The following MAP3K13 variants were observed in gnomAD, a reference collection of about 807,000 sequenced individuals.
MAP3K13 encodes the protein leucine zipper-bearing kinase.
MAP3K13 carries 52 observed loss-of-function variants against 104.0 expected under a neutral mutation model. That is an observed-to-expected ratio of 0.50 (90% CI 0.40 to 0.63). The LOEUF is 0.63. MAP3K13 is among the 20% of genes least tolerant of loss of function. The pLI is 0.00. For synonymous variants in MAP3K13, 394 were observed against 442.2 expected, an observed-to-expected ratio of 0.89 and a Z score of 1.37; for missense variants, 914 against 1,218.5, an observed-to-expected ratio of 0.75 and a Z score of 3.72.
At position 185,451,344 on chromosome 3, in the gene MAP3K13, T is replaced by C. The variant is rs1402640417; in HGVS notation, c.1227T>C (p.Ile409=). ...GGCAGACACTCATGCATTTAGACATTGCCTCTGCAGATGTACTTGCCACCC... is the reference window on the plus strand; with the variant it reads ...GGCAGACACTCATGCATTTAGACATCGCCTCTGCAGATGTACTTGCCACCC... ...SFRQTLMHLD[I]ASADVLATPQ... is the part of the protein sequence containing the mutation. The change falls in exon 7 of 14, where the codon ATT becomes ATC. Residue 409 remains isoleucine (I), a synonymous_variant. Transcript: ENST00000265026. 1 of 1,613,856 alleles carries C rather than the reference T, an allele frequency of 6.2e-7. No homozygotes were observed. The highest frequency in any genetic ancestry group is 2.2e-5 in the East Asian group (1 of 44,874).
At chr3:185,292,059 C>CTT (rs1720761421) in intron 2 of MAP3K13, 1 of 929,066 alleles carries the variant, frequency 1.1e-6, no homozygotes, top group African/African-American at 1.8e-5. Context: ...AATCCCAGCA[C>CTT]TTTGGGAGGC....
intron 2 of MAP3K13, among the ~76,000 whole-genome samples, chr3:185,433,767 T>A (rs114463603): frequency 2.4e-3 from 365 of 152,352 alleles, no homozygotes; most frequent in African/African-American, 8.4e-3. Context: ...TGGTAGAGGA[T>A]AATTTTATTT....
intron 2 of MAP3K13, among the ~76,000 whole-genome samples, chr3:185,342,645 C>T (rs1390726851): frequency 6.6e-6 from 1 of 151,992 alleles, no homozygotes; most frequent in Admixed American, 6.6e-5. Context: ...TAGAGTATGC[C>T]ATTATAATCT....
intron 8 of MAP3K13, 99 bp from the exon 9 acceptor site, chr3:185,465,648 A>G: frequency 1.2e-6 from 1 of 815,508 alleles, no homozygotes; most frequent in Non-Finnish European, 2.1e-6. Context: ...GCCTTGGGCA[A>G]ATGCTTTTGT....
chr3:185,353,579 A>G (rs372376738), intron 2 of MAP3K13, among the ~76,000 whole-genome samples: 1 of 152,224 alleles, frequency 6.6e-6, no homozygotes, highest in African/African-American at 2.4e-5. Flanking sequence ...CTTTAGGCTA[A>G]ACTTGACTTA....
At chr3:185,289,930 T>A (rs1165332056) in intron 2 of MAP3K13, among the ~76,000 whole-genome samples, 2 of 152,178 alleles carry the variant, frequency 1.3e-5, no homozygotes. Flanking sequence ...GAGCGCAAAC[T>A]CTAGAGTAAT....
chr3:185,297,248 T>C (rs1013783901), intron 2 of MAP3K13, among the ~76,000 whole-genome samples: 2 of 152,238 alleles, frequency 1.3e-5, no homozygotes, highest in African/African-American at 2.4e-5. Flanking sequence ...TCACAGCTAC[T>C]ACCTCTGCTT....
chr3:185,365,526 TGTGCTTCAGCTGAATTAA>T (rs1723829078), intron 1 of MAP3K13, among the ~76,000 whole-genome samples: 1 of 152,174 alleles, frequency 6.6e-6, no homozygotes, highest in South Asian at 2.1e-4. Flanking sequence ...CCTCTTTCTG[TGTGCTTCAGCTGAATTAA>T]GTGCTTGGAG....
At chr3:185,305,644 C>T (rs1161403731) in intron 2 of MAP3K13, among the ~76,000 whole-genome samples, 3 of 152,090 alleles carry the variant, frequency 2.0e-5, no homozygotes, top group Admixed American at 6.6e-5. Context: ...TATTTCAACC[C>T]GAGGGACTTC....
In MAP3K13 at chr3:185,418,288, GTCT is replaced by G. The variant is rs1227796272; in HGVS notation, c.-85-10204_-85-10202del. 13 of 1,581,436 alleles carry G rather than the reference GTCT, an allele frequency of 8.2e-6. No individual in the cohort carries two copies. Among genetic ancestry groups the G allele is most frequent in the African/African-American group, 4.0e-5 (3 of 74,164 alleles). On this transcript the variant is annotated intron_variant, in intron 1 of 13. Coordinates refer to ENST00000265026, the MANE Select transcript of MAP3K13 (RefSeq NM_004721.5). This position sits in a 1 kb window ranked among gnomAD's most constrained non-coding sequence, Gnocchi z 4.5. Reference sequence around the variant, plus strand: ...CTTAAGGAGCAAAACAGCTTCCTTGGTCTTCTTGTAGCCTTCAACTTTATCTTC... The same window carrying G: ...CTTAAGGAGCAAAACAGCTTCCTTGGTCTTGTAGCCTTCAACTTTATCTTC...
intron 1 of MAP3K13, among the ~76,000 whole-genome samples, chr3:185,411,983 C>T (rs1713479029): frequency 6.6e-6 from 1 of 151,968 alleles, no homozygotes; most frequent in Non-Finnish European, 1.5e-5. Context: ...GGGGTTTCAC[C>T]ACGTTGGCCA....
intron 1 of MAP3K13, among the ~76,000 whole-genome samples, chr3:185,420,931 A>G (rs1714082151): frequency 1.3e-5 from 2 of 152,154 alleles, no homozygotes; most frequent in South Asian, 4.1e-4. Flanking sequence ...TGCCCTGCCA[A>G]ATGCACAGCT....
chr3:185,319,224 T>C (rs1489175245), intron 2 of MAP3K13, among the ~76,000 whole-genome samples: 1 of 152,024 alleles, frequency 6.6e-6, no homozygotes, highest in Non-Finnish European at 1.5e-5. Flanking sequence ...ATTGTAGGAG[T>C]ATTACAGAAT....
chr3:185,354,299 G>C (rs1256888679), intron 2 of MAP3K13, among the ~76,000 whole-genome samples: 1 of 151,092 alleles, frequency 6.6e-6, no homozygotes, highest in Non-Finnish European at 1.5e-5. Flanking sequence ...GGGCAGCAGA[G>C]AGCATCACCC....
chr3:185,405,620 T>A lies in MAP3K13; in HGVS notation c.-85-22877T>A, dbSNP rs2108781023. 2.6e-5 allele frequency among the ~76,000 whole-genome samples: 4 copies of A among 152,366 alleles called. No individual in the cohort carries two copies. The Middle Eastern group carries it at 0.01, about 389-fold the overall frequency. ...AGCCTCATCTCTCTCCATCCTTCACTCGTTCTTCACTGGTGTAACTCTGAT... is the reference window on the plus strand; with the variant it reads ...AGCCTCATCTCTCTCCATCCTTCACACGTTCTTCACTGGTGTAACTCTGAT... On this transcript the variant is annotated intron_variant, in intron 1 of 13. Coordinates refer to ENST00000265026, the MANE Select transcript of MAP3K13 (RefSeq NM_004721.5).
intron 1 of MAP3K13, among the ~76,000 whole-genome samples, chr3:185,382,476 G>A (rs1724773481): frequency 6.6e-6 from 1 of 152,162 alleles, no homozygotes; most frequent in African/African-American, 2.4e-5. Context: ...ATTACAATTA[G>A]AGTTACATTT....
intron 1 of MAP3K13, among the ~76,000 whole-genome samples, chr3:185,394,021 T>C (rs1268050656): frequency 1.3e-5 from 2 of 152,044 alleles, no homozygotes; most frequent in African/African-American, 2.4e-5. Flanking sequence ...TGAGGGGGCA[T>C]TTAGCCAAGA....
chr3:185,375,667 A>G (rs983338432), intron 1 of MAP3K13, among the ~76,000 whole-genome samples: 2 of 152,218 alleles, frequency 1.3e-5, no homozygotes, highest in African/African-American at 4.8e-5. Context: ...TTGGAACGCT[A>G]GCTGCTTTTT....
intron 1 of MAP3K13, among the ~76,000 whole-genome samples, chr3:185,389,679 A>G (rs768370755): frequency 3.9e-5 from 6 of 151,908 alleles, no homozygotes; most frequent in Non-Finnish European, 8.8e-5. Context: ...CAATTCTCAA[A>G]CTTTTTGGTT....
Sources: gnomAD v4.1 joint callset for allele counts (sites outside exome capture counted in the v4.1 genomes callset) on GRCh38, gnomAD v4.1.1 for gene constraint, Gnocchi (gnomAD v3.1) non-coding constraint, MANE v1.5 for transcripts, NCBI Gene and HGNC (gene_info 2026-07-23, HGNC 2026-07-21) for gene names.